NSMCE2: variants seen among roughly 807,000 people sequenced by gnomAD.
NSMCE2 encodes the protein NSE2 SUMO ligase component of SMC5/6 complex.
A neutral mutation model predicts 23.8 loss-of-function variants in NSMCE2; 24 were observed. That is an observed-to-expected ratio of 1.01 (90% CI 0.73 to 1.42). NSMCE2 has a LOEUF of 1.42. Among genes scored for constraint, NSMCE2 ranks in the 40% most tolerant of loss-of-function variants. The pLI is 0.00. For synonymous variants in NSMCE2, 92 were observed against 94.1 expected, an observed-to-expected ratio of 0.98 and a Z score of 0.13; for missense variants, 284 against 296.5, an observed-to-expected ratio of 0.96 and a Z score of 0.31.
intron 5 of NSMCE2, among the ~76,000 whole-genome samples, chr8:125,217,894 C>A (rs1232657850): frequency 2.0e-4 from 30 of 148,104 alleles, no homozygotes; most frequent in Middle Eastern, 3.5e-3. Flanking sequence ...AAAAAAAAAA[C>A]CAAAACAAAA....
At chr8:125,185,804 T>C (rs1333213873) in intron 5 of NSMCE2, among the ~76,000 whole-genome samples, 4 of 152,242 alleles carry the variant, frequency 2.6e-5, no homozygotes, top group African/African-American at 9.6e-5. Flanking sequence ...GGAAAAATTA[T>C]TGAGAAGAGT....
At position 125,218,574 on chromosome 8, in the gene NSMCE2, G is replaced by A. The variant is rs111675189; in HGVS notation, c.418+36318G>A. 5.0e-3 allele frequency among the ~76,000 whole-genome samples: 755 copies of A among 152,164 alleles called. 12 individuals carry two copies. Among genetic ancestry groups the A allele is most frequent in the African/African-American group, 0.017 (717 of 41,512 alleles). On this transcript the variant is annotated intron_variant, in intron 5 of 7. Coordinates refer to ENST00000287437, the MANE Select transcript of NSMCE2 (RefSeq NM_173685.4). ...TTACAGGCACCTGCCACCATGCCTA[G>A]CTAATTTTTGTATTTTTAGTAGACG...
At chr8:125,159,992 A>G (rs545254187) in intron 4 of NSMCE2, among the ~76,000 whole-genome samples, 18 of 152,200 alleles carry the variant, frequency 1.2e-4, no homozygotes, top group South Asian at 6.2e-4. Context: ...GTTGGTGCCA[A>G]TAGTATGTTT....
Position 125,335,255 on chromosome 8 carries a change from T to C in NSMCE2, c.419-21964T>C, listed in dbSNP as rs548929909. ...CAGCTCTGGAGGGTTAAGGAAATCA[T>C]TGCCACCATTTTTAAACAGCGATTA... On this transcript the variant is annotated intron_variant, in intron 5 of 7. Transcript: ENST00000287437. 1.4e-4 allele frequency among the ~76,000 whole-genome samples: 22 copies of C among 152,254 alleles called. No homozygotes were observed. The South Asian group carries it at 1.5e-3, about 10-fold the overall frequency.
intron 5 of NSMCE2, among the ~76,000 whole-genome samples, chr8:125,249,281 A>G (rs1471012258): frequency 6.6e-6 from 1 of 152,208 alleles, no homozygotes; most frequent in African/African-American, 2.4e-5. Context: ...CTCAAAAAAC[A>G]GGTTCCTTAA....
At chr8:125,301,422 G>T (rs895188615) in intron 5 of NSMCE2, among the ~76,000 whole-genome samples, 2 of 152,102 alleles carry the variant, frequency 1.3e-5, no homozygotes, top group African/African-American at 4.8e-5. Context: ...TCAGTGCTTG[G>T]TCTTCTCTAA....
chr8:125,206,747 G>A (rs1824132923), intron 5 of NSMCE2, among the ~76,000 whole-genome samples: 1 of 152,160 alleles, frequency 6.6e-6, no homozygotes, highest in Non-Finnish European at 1.5e-5. Flanking sequence ...TTAAGGTGCT[G>A]GATTTTGGTA....
intron 5 of NSMCE2, among the ~76,000 whole-genome samples, chr8:125,275,164 C>A (rs1013436016): frequency 6.6e-6 from 1 of 151,856 alleles, no homozygotes; most frequent in South Asian, 2.1e-4. Flanking sequence ...CTTCACACCC[C>A]CCTTCCATAT....
At chr8:125,221,895 C>A (rs1824876519) in intron 5 of NSMCE2, among the ~76,000 whole-genome samples, 1 of 152,144 alleles carries the variant, frequency 6.6e-6, no homozygotes, top group Non-Finnish European at 1.5e-5. Flanking sequence ...TAAGGATGTT[C>A]AACCTATAAA....
chr8:125,107,188 C>CTTTTTT (rs71295817), intron 3 of NSMCE2, among the ~76,000 whole-genome samples: 2 of 120,028 alleles, frequency 1.7e-5, no homozygotes, highest in African/African-American at 3.3e-5. Flanking sequence ...CAAGGACATT[C>CTTTTTT]TTTTTTTTTT....
intron 5 of NSMCE2, among the ~76,000 whole-genome samples, chr8:125,294,240 G>T (rs572111828): frequency 2.6e-5 from 4 of 152,134 alleles, no homozygotes; most frequent in African/African-American, 9.6e-5. Flanking sequence ...CTGTCTTTTG[G>T]CTATTATGGA....
chr8:125,257,745 A>G (rs1004976187), intron 5 of NSMCE2, among the ~76,000 whole-genome samples: 1 of 152,056 alleles, frequency 6.6e-6, no homozygotes, highest in Non-Finnish European at 1.5e-5. Context: ...TGTGTTAGCC[A>G]GGATGGTCTC....
intron 7 of NSMCE2, among the ~76,000 whole-genome samples, chr8:125,359,330 C>CTTTTTTT (rs34421417): frequency 1.9e-5 from 2 of 102,888 alleles, no homozygotes; most frequent in Non-Finnish European, 3.7e-5. Flanking sequence ...TGCTCTTTCT[C>CTTTTTTT]TTTTTTTTTT....
chr8:125,349,419 T>G (rs1812936321), intron 5 of NSMCE2, among the ~76,000 whole-genome samples: 1 of 152,094 alleles, frequency 6.6e-6, no homozygotes, highest in Non-Finnish European at 1.5e-5. Flanking sequence ...CATATGCTAC[T>G]TTCATAGTTT....
chr8:125,241,094 C>G (rs4006777), intron 5 of NSMCE2, among the ~76,000 whole-genome samples: 2 of 152,204 alleles, frequency 1.3e-5, no homozygotes, highest in Admixed American at 6.5e-5. Flanking sequence ...TATCCCTAAT[C>G]TGAAAATCTG....
intron 3 of NSMCE2, among the ~76,000 whole-genome samples, chr8:125,114,772 TACATACATATAC>T (rs1299402294): frequency 6.6e-6 from 1 of 152,210 alleles, no homozygotes; most frequent in Non-Finnish European, 1.5e-5. Flanking sequence ...TATGCATACA[TACATACATATAC>T]ACATACATAC....
intron 5 of NSMCE2, among the ~76,000 whole-genome samples, chr8:125,301,161 C>G (rs1174496292): frequency 1.3e-5 from 2 of 152,148 alleles, no homozygotes; most frequent in Non-Finnish European, 2.9e-5. Context: ...ATAACTTGAG[C>G]AGGATTGGCT....
intron 5 of NSMCE2, among the ~76,000 whole-genome samples, chr8:125,311,352 C>T (rs1029048398): frequency 6.6e-6 from 1 of 152,118 alleles, no homozygotes; most frequent in South Asian, 2.1e-4. Flanking sequence ...AAAAAAAATG[C>T]GTAAATTGTA....
At chr8:125,311,671 T>G (rs573552276) in intron 5 of NSMCE2, among the ~76,000 whole-genome samples, 8 of 152,256 alleles carry the variant, frequency 5.3e-5, no homozygotes, top group Middle Eastern at 3.2e-3. Context: ...GATTTCCCCT[T>G]AACTATTTTG....
Sources: allele counts gnomAD v4.1 joint callset (sites outside exome capture counted in the v4.1 genomes callset), GRCh38; gene constraint gnomAD v4.1.1; transcripts MANE v1.5; gene names NCBI Gene and HGNC (gene_info 2026-07-23, HGNC 2026-07-21).